ANO6: variants seen among roughly 807,000 people sequenced by gnomAD.
The protein encoded by ANO6 is anoctamin 6.
ANO6 carries 106 observed loss-of-function variants against 117.5 expected under a neutral mutation model. The ratio of observed to expected loss-of-function variants is 0.90; its 90% confidence interval spans 0.77 to 1.06. The LOEUF is 1.06. Ranked by LOEUF, ANO6 falls within the 50% of genes least tolerant of loss-of-function variation. The pLI is 0.00. For synonymous variants in ANO6, 367 were observed against 385.1 expected (o/e 0.95, Z 0.55); for missense variants, 955 against 1,121.1 (o/e 0.85, Z 2.12).
intron 1 of ANO6, among the ~76,000 whole-genome samples, chr12:45,300,544 C>A (rs1939448390): frequency 6.6e-6 from 1 of 152,088 alleles, no homozygotes; most frequent in African/African-American, 2.4e-5. Context: ...AAAATAAGTC[C>A]TTTATAACTG....
At chr12:45,267,451 A>G (rs1938256163) in intron 1 of ANO6, among the ~76,000 whole-genome samples, 1 of 152,194 alleles carries the variant, frequency 6.6e-6, no homozygotes, top group Non-Finnish European at 1.5e-5. Flanking sequence ...TAGGGCTTCC[A>G]CATCTGATTT....
At chr12:45,339,205 G>T (rs930456382) in intron 3 of ANO6, among the ~76,000 whole-genome samples, 2 of 152,036 alleles carry the variant, frequency 1.3e-5, no homozygotes, top group Non-Finnish European at 2.9e-5. Context: ...TACTAAACTT[G>T]TCCTATGAGA....
intron 19 of ANO6, 72 bp from the exon 20 acceptor site, chr12:45,429,033 G>A (rs997382529): frequency 1.8e-5 from 28 of 1,558,908 alleles, no homozygotes; most frequent in Non-Finnish European, 2.4e-5. Flanking sequence ...ATAATGACAA[G>A]CAAGAATGAA....
chr12:45,303,215 G>A (rs1939555085), intron 2 of ANO6, among the ~76,000 whole-genome samples: 1 of 152,168 alleles, frequency 6.6e-6, no homozygotes, highest in South Asian at 2.1e-4. Flanking sequence ...ATAGAAAGAC[G>A]TAGTATTCAA....
intron 9 of ANO6, among the ~76,000 whole-genome samples, chr12:45,375,365 A>G (rs963195839): frequency 2.8e-4 from 43 of 152,222 alleles, no homozygotes; most frequent in Admixed American, 4.6e-4. Context: ...TTTAAAGTTC[A>G]TATGGAACCA....
intron 1 of ANO6, among the ~76,000 whole-genome samples, chr12:45,297,404 A>T (rs1939330237): frequency 6.6e-6 from 1 of 152,206 alleles, no homozygotes; most frequent in Non-Finnish European, 1.5e-5. Context: ...AGATTGTCTG[A>T]GTTATAAACT....
At chr12:45,354,301 C>T (rs971927345) in intron 7 of ANO6, among the ~76,000 whole-genome samples, 4 of 152,140 alleles carry the variant, frequency 2.6e-5, no homozygotes, top group Non-Finnish European at 5.9e-5. Context: ...CTCAATGACA[C>T]TACACACTGA....
chr12:45,373,058 A>C (rs1331674081), intron 9 of ANO6, among the ~76,000 whole-genome samples: 6 of 152,154 alleles, frequency 3.9e-5, no homozygotes, highest in Non-Finnish European at 8.8e-5. Flanking sequence ...CAGGGGTTGC[A>C]ATCCTAGTCT....
In ANO6 at chr12:45,350,575, A is replaced by C. The variant is rs1342840916; in HGVS notation, c.748-84A>C. ...GAGGACCCCTTGTTCACAATTGACTATCAAGTATTTGTATCACATTTAAGA... is the reference window on the plus strand; with the variant it reads ...GAGGACCCCTTGTTCACAATTGACTCTCAAGTATTTGTATCACATTTAAGA... On this transcript the variant is annotated intron_variant, in intron 6 of 19. Transcript: ENST00000320560. The C allele has an allele frequency of 3.7e-6, 4 of 1,067,124 alleles. No individual in the cohort carries two copies. In the East Asian group the frequency reaches 1.0e-4, roughly 27 times the overall value. The allele number at this position is 1,067,124 out of a possible 1,614,324, so 66.1% of individuals were successfully genotyped here.
chr12:45,257,131 C>A (rs950336801), intron 1 of ANO6, among the ~76,000 whole-genome samples: 3 of 152,176 alleles, frequency 2.0e-5, no homozygotes, highest in African/African-American at 4.8e-5. Context: ...GCTCTCTTGG[C>A]GTGCCTGCTT....
intron 17 of ANO6, 37 bp from the exon 18 acceptor site, chr12:45,421,034 A>G (rs766200509): frequency 6.2e-7 from 1 of 1,607,258 alleles, no homozygotes; most frequent in Non-Finnish European, 8.5e-7. Context: ...ACAAAAAACT[A>G]TAACTTCATT....
intron 9 of ANO6, among the ~76,000 whole-genome samples, chr12:45,371,205 G>T (rs1329583567): frequency 1.3e-5 from 2 of 152,234 alleles, no homozygotes; most frequent in African/African-American, 4.8e-5. Context: ...GGCTCGGAGG[G>T]TCCTACGCCC....
At chr12:45,244,165 T>C (rs977268889) in intron 1 of ANO6, among the ~76,000 whole-genome samples, 1 of 152,192 alleles carries the variant, frequency 6.6e-6, no homozygotes, top group African/African-American at 2.4e-5. Flanking sequence ...GTTCATGTTC[T>C]TGTGATTGTC....
chr12:45,251,558 G>A (rs1038789785), intron 1 of ANO6, among the ~76,000 whole-genome samples: 1 of 152,126 alleles, frequency 6.6e-6, no homozygotes, highest in African/African-American at 2.4e-5. Context: ...GGCAGCCCCT[G>A]TAGTGGGACT....
intron 2 of ANO6, among the ~76,000 whole-genome samples, chr12:45,325,526 T>G (rs1300324570): frequency 6.6e-6 from 1 of 152,208 alleles, no homozygotes; most frequent in Non-Finnish European, 1.5e-5. Context: ...TGTAATGCTT[T>G]ATTGGGAATA....
chr12:45,310,639 C>A lies in ANO6; in HGVS notation c.150+8546C>A, dbSNP rs543266089. On this transcript the variant is annotated intron_variant, in intron 2 of 19. Coordinates refer to ENST00000320560, the MANE Select transcript of ANO6 (RefSeq NM_001025356.3). Reference sequence around the variant, plus strand: ...ATAATGGTTAAAGGTCTGGTGAAGTCTACAGAAGCTCATGCTGCCCAAGAA... The same window carrying A: ...ATAATGGTTAAAGGTCTGGTGAAGTATACAGAAGCTCATGCTGCCCAAGAA... 2.9e-4 allele frequency among the ~76,000 whole-genome samples: 44 copies of A among 152,162 alleles called. 1 individual carries two copies. In the South Asian group the frequency reaches 8.9e-3, roughly 31 times the overall value.
At chr12:45,377,746 A>G (rs1422464805) in intron 9 of ANO6, among the ~76,000 whole-genome samples, 1 of 152,230 alleles carries the variant, frequency 6.6e-6, no homozygotes, top group Non-Finnish European at 1.5e-5. Flanking sequence ...CTGTTATTCA[A>G]GCCCAATGGA....
At chr12:45,318,770 T>C (rs1414947485) in intron 2 of ANO6, among the ~76,000 whole-genome samples, 1 of 152,202 alleles carries the variant, frequency 6.6e-6, no homozygotes, top group African/African-American at 2.4e-5. Flanking sequence ...GGAATGTTCT[T>C]CCATTTGTTT....
At chr12:45,412,615 A>G (rs1943114526) in intron 16 of ANO6, among the ~76,000 whole-genome samples, 1 of 152,130 alleles carries the variant, frequency 6.6e-6, no homozygotes, top group Non-Finnish European at 1.5e-5. Context: ...CCTGCCATGA[A>G]GTCTCCTAAC....
Sources: gnomAD v4.1 joint callset for allele counts (sites outside exome capture counted in the v4.1 genomes callset) on GRCh38, gnomAD v4.1.1 for gene constraint, MANE v1.5 for transcripts, NCBI Gene and HGNC (gene_info 2026-07-23, HGNC 2026-07-21) for gene names.